Variants in ADA2 observed in about 807,000 individuals in gnomAD.
The protein encoded by ADA2 is adenosine deaminase CECR1.
A neutral mutation model predicts 44.2 loss-of-function variants in ADA2; 29 were observed. The ratio of observed to expected loss-of-function variants is 0.66; its 90% CI spans 0.49 to 0.89. The LOEUF is 0.89. ADA2 is among the 40% of genes least tolerant of loss of function. The pLI, the probability that ADA2 is intolerant of heterozygous loss-of-function variation, is 0.00. For missense variants in ADA2, 637 were observed against 644.8 expected (o/e 0.99, Z 0.13); for synonymous variants, 215 against 234.9 (o/e 0.92, Z 0.77).
intron 5 of ADA2, 98 bp downstream of exon 5, chr22:17,191,585 C>T (rs1288422935): frequency 8.2e-6 from 11 of 1,337,918 alleles, no homozygotes; most frequent in Non-Finnish European, 1.2e-5. Flanking sequence ...CCTCTCCCGG[C>T]CTCCCAGCCC....
chr22:17,202,908 G>A (rs1410496308), intron 4 of ADA2, among the ~76,000 whole-genome samples: 2 of 151,518 alleles, frequency 1.3e-5, no homozygotes, highest in Admixed American at 6.6e-5. Context: ...TCAGCCTCCC[G>A]AGTAGCTGGG....
intron 4 of ADA2, among the ~76,000 whole-genome samples, chr22:17,192,395 T>C (rs2062129213): frequency 6.6e-6 from 1 of 152,112 alleles, no homozygotes; most frequent in Non-Finnish European, 1.5e-5. Flanking sequence ...CCCCACTACC[T>C]GCTCACCTCC....
rs182130856 is a variant in ADA2, at chr22:17,196,994, G to A, written c.754-5184C>T. ...TCAAGAGCAGCCTGGCCAACATGGC[G>A]AAACCCCGTCTCTACTAAAAATACA... On this transcript the variant is annotated intron_variant, in intron 4 of 9. Transcript: ENST00000399837. Among the ~76,000 whole-genome samples, 794 of 152,250 alleles carry A rather than the reference G, an allele frequency of 5.2e-3. 5 individuals are homozygous for A. Among genetic ancestry groups the A allele is most frequent in the Non-Finnish European group, 8.3e-3 (567 of 68,010 alleles).
intron 3 of ADA2, 47 bp from the exon 4 acceptor site, chr22:17,203,820 A>G (rs370673450): frequency 7.2e-7 from 1 of 1,379,330 alleles, no homozygotes; most frequent in Admixed American, 1.8e-5. Flanking sequence ...GATCCAGGAC[A>G]CTGCCCCCGG....
At position 17,209,782 on chromosome 22, in the gene ADA2, C is replaced by T. The variant is rs1162110153; in HGVS notation, c.-46-59G>A. On this transcript the variant is annotated intron_variant, in intron 1 of 9. Coordinates refer to ENST00000399837, the MANE Select transcript of ADA2 (RefSeq NM_001282225.2). ...GATTTAAGGGTGGAACTCTGATCTTCCTTTTCTCGCCCTGCTCTCAGATTA... is the reference window on the plus strand; with the variant it reads ...GATTTAAGGGTGGAACTCTGATCTTTCTTTTCTCGCCCTGCTCTCAGATTA... 7 of 838,396 alleles carry T rather than the reference C, an allele frequency of 8.3e-6. No homozygotes were observed. The Admixed American group carries it at 2.0e-4, about 23-fold the overall frequency. The allele number at this position is 838,396 out of a possible 1,614,324, so 51.9% of individuals were successfully genotyped here.
At chr22:17,212,737 G>A (rs75734262) in intron 1 of ADA2, among the ~76,000 whole-genome samples, 1 of 150,920 alleles carries the variant, frequency 6.6e-6, no homozygotes, top group Admixed American at 6.6e-5. Flanking sequence ...ATACGTATAC[G>A]AATAAATGCC....
chr22:17,185,007 T>TATATATATATATATATATATATATATATA (rs1568969005), intron 7 of ADA2, among the ~76,000 whole-genome samples: 7 of 136,560 alleles, frequency 5.1e-5, no homozygotes, highest in African/African-American at 1.4e-4. Flanking sequence ...TATATATATA[T>TATATATATATATATATATATATATATATA]GAAAACTCCA....
intron 1 of ADA2, among the ~76,000 whole-genome samples, chr22:17,210,317 A>G (rs1302435594): frequency 6.6e-6 from 1 of 151,162 alleles, no homozygotes; most frequent in Admixed American, 6.6e-5. Flanking sequence ...CAGCCTCCCA[A>G]ATAGCTGGGA....
At chr22:17,198,285 TG>T (rs1027138409) in intron 4 of ADA2, among the ~76,000 whole-genome samples, 1 of 152,004 alleles carries the variant, frequency 6.6e-6, no homozygotes, top group Non-Finnish European at 1.5e-5. Context: ...TCAGAATCTG[TG>T]GGGTAGAAGC....
intron 4 of ADA2, chr22:17,199,509 A>T (rs778288216): frequency 6.7e-7 from 1 of 1,494,318 alleles, no homozygotes; most frequent in Non-Finnish European, 9.1e-7. Context: ...CCACACCAAG[A>T]CAGTTGTCAG....
At chr22:17,214,226 C>A in intron 1 of ADA2, 1 of 474,466 alleles carries the variant, frequency 2.1e-6, no homozygotes. Context: ...GTGTGTGTTT[C>A]CTTTGGTATA....
At chr22:17,195,271 C>A (rs368440087) in intron 4 of ADA2, among the ~76,000 whole-genome samples, 2 of 152,286 alleles carry the variant, frequency 1.3e-5, no homozygotes, top group South Asian at 2.1e-4. Flanking sequence ...GTAATCCCAG[C>A]ACTTTGGGAG....
intron 4 of ADA2, chr22:17,199,443 CCCT>C: frequency 4.6e-6 from 5 of 1,094,326 alleles, no homozygotes; most frequent in Non-Finnish European, 7.1e-6. Context: ...TATCCTCTTC[CCCT>C]CCACCCACGA....
chr22:17,199,315 G>A (rs564290159), intron 4 of ADA2, among the ~76,000 whole-genome samples: 1 of 148,764 alleles, frequency 6.7e-6, no homozygotes, highest in Non-Finnish European at 1.5e-5. Context: ...CAGGAAGCCA[G>A]TGCTCTGGCC....
intron 1 of ADA2, among the ~76,000 whole-genome samples, chr22:17,216,015 C>T (rs2062467538): frequency 6.6e-6 from 1 of 151,446 alleles, no homozygotes; most frequent in African/African-American, 2.4e-5. Context: ...GGTGAAACCC[C>T]ATCTCTACTA....
At position 17,182,743 on chromosome 22, in the gene ADA2, A is replaced by G. The variant is rs2061988155; in HGVS notation, c.1100T>C (p.Ile367Thr). 3.1e-6 allele frequency: 5 copies of G among 1,613,578 alleles called. No individual in the cohort carries two copies. The highest frequency in any genetic ancestry group is 1.1e-5 in the South Asian group (1 of 91,050). ...AGETDWQGTSIDRNILDALML... is the reference protein window; with the variant it reads ...AGETDWQGTSTDRNILDALML... ...CAGAGCATCCAGAATGTTCCTGTCT[A>G]TGGAAGTACCCTGCCAGTCTGAACA... The change falls in exon 8 of 10, where the codon ATA becomes ACA. Residue 367 changes from isoleucine (I) to threonine (T), a missense_variant. By Grantham distance (89) the Ile-to-Thr change is moderately conservative. Transcript: ENST00000399837.
At chr22:17,200,088 G>A (rs1161639034) in intron 4 of ADA2, among the ~76,000 whole-genome samples, 3 of 152,056 alleles carry the variant, frequency 2.0e-5, no homozygotes, top group African/African-American at 7.2e-5. Context: ...CCAGCTACTC[G>A]GGAGGCTGAG....
intron 2 of ADA2, among the ~76,000 whole-genome samples, chr22:17,208,557 C>T (rs1432717968): frequency 1.3e-5 from 2 of 151,802 alleles, no homozygotes; most frequent in Non-Finnish European, 2.9e-5. Context: ...AATCCCAGCA[C>T]TTTGGGAGGC....
chr22:17,184,126 A>ATT (rs35520208), intron 7 of ADA2, among the ~76,000 whole-genome samples: 3 of 143,220 alleles, frequency 2.1e-5, no homozygotes, highest in African/African-American at 7.7e-5. Flanking sequence ...CACCCAGCTG[A>ATT]TTTTTTTTTT....
Sources: gnomAD v4.1 joint callset for allele counts (sites outside exome capture counted in the v4.1 genomes callset) on GRCh38, gnomAD v4.1.1 for gene constraint, MANE v1.5 for transcripts, NCBI Gene and HGNC (gene_info 2026-07-23, HGNC 2026-07-21) for gene names.